UNC5A: variants seen among roughly 807,000 people sequenced by gnomAD.
The protein encoded by UNC5A is unc-5 netrin receptor A, also known as netrin receptor UNC5A.
In UNC5A, 20 loss-of-function variants were observed where a neutral mutation model predicts 87.4. The ratio of observed to expected loss-of-function variants is 0.23; its 90% confidence interval spans 0.16 to 0.33. The LOEUF (loss-of-function observed/expected upper bound fraction) is 0.33, where lower values mean the gene tolerates loss of function less well. UNC5A is among the 10% of genes least tolerant of loss of function. The pLI, the probability that UNC5A is intolerant of heterozygous loss-of-function variation, is 1.00. For missense variants in UNC5A, 844 were observed against 1,133.4 expected, an observed-to-expected ratio of 0.74 and a Z score of 3.67; for synonymous variants, 438 against 482.3, an observed-to-expected ratio of 0.91 and a Z score of 1.20.
chr5:176,879,164 T>G, intron 13 of UNC5A, 146 bp from the exon 14 acceptor site: 1 of 999,876 alleles, frequency 1.0e-6, no homozygotes, highest in Non-Finnish European at 1.5e-6. Context: ...AGAAGGGCCT[T>G]GGCACATGGG....
intron 1 of UNC5A, among the ~76,000 whole-genome samples, chr5:176,847,202 G>A (rs927236220): frequency 6.6e-6 from 1 of 152,204 alleles, no homozygotes; most frequent in Non-Finnish European, 1.5e-5. Context: ...GGTGGTCTTC[G>A]CTGATGAAAG....
chr5:176,840,333 C>T (rs368351985), intron 1 of UNC5A, among the ~76,000 whole-genome samples: 4 of 152,094 alleles, frequency 2.6e-5, no homozygotes, highest in African/African-American at 9.7e-5. Flanking sequence ...TGGGGGCCCG[C>T]TGTGAGGGTG....
Position 176,810,806 on chromosome 5 carries a change from G to T in UNC5A, c.56G>T (p.Trp19Leu). The change falls in exon 1 of 15, where the codon TGG (tryptophan) becomes TTG (leucine). Residue 19 changes from tryptophan (W) to leucine (L), a missense_variant. By Grantham distance (61) the Trp-to-Leu change is moderately conservative. Coordinates refer to ENST00000329542, the MANE Select transcript of UNC5A (RefSeq NM_133369.3). The surrounding 1 kb of genome is among the most constrained non-coding windows in gnomAD (Gnocchi z 7.3). ...CTCCTGGGCATAGTCCTCGCCGCTT[G>T]GCTCCGCGGCTCGGGTGAGTCACGC... The part of the protein sequence containing the change: ...PALLGIVLAA[W>L]LRGSGAQQSA... 1.6e-6 allele frequency: 2 copies of T among 1,222,076 alleles called. No homozygotes were observed. The highest frequency in any genetic ancestry group is 2.0e-6 in the Non-Finnish European group (2 of 981,578). 75.7% of individuals were successfully genotyped at this position (1,222,076 alleles called of 1,614,324 possible).
chr5:176,862,113 C>G (rs529022951), intron 1 of UNC5A, among the ~76,000 whole-genome samples: 1 of 152,250 alleles, frequency 6.6e-6, no homozygotes, highest in Non-Finnish European at 1.5e-5. Flanking sequence ...TCGCCTTGCC[C>G]GTGCCCACCC....
intron 1 of UNC5A, among the ~76,000 whole-genome samples, chr5:176,814,798 G>A (rs1270646703): frequency 6.6e-6 from 1 of 152,222 alleles, no homozygotes; most frequent in Non-Finnish European, 1.5e-5. Flanking sequence ...GCCAGGTGCT[G>A]TTTTTCTTCA....
intron 1 of UNC5A, among the ~76,000 whole-genome samples, chr5:176,858,027 C>A (rs548351162): frequency 1.3e-5 from 2 of 152,328 alleles, no homozygotes; most frequent in African/African-American, 4.8e-5. Flanking sequence ...GTGTGTCCGC[C>A]CTGGCAGTGT....
intron 1 of UNC5A, among the ~76,000 whole-genome samples, chr5:176,820,396 CA>C (rs958591161): frequency 2.1e-4 from 29 of 140,674 alleles, no homozygotes; most frequent in African/African-American, 5.5e-4. Context: ...GACTCCGTCT[CA>C]AAAAAAAAAG....
intron 1 of UNC5A, among the ~76,000 whole-genome samples, chr5:176,827,657 G>T (rs1756887625): frequency 6.6e-6 from 1 of 152,156 alleles, no homozygotes; most frequent in Non-Finnish European, 1.5e-5. Context: ...GTTCTGTTGG[G>T]CATACACCTA....
chr5:176,843,564 A>AT (rs1199406330), intron 1 of UNC5A, among the ~76,000 whole-genome samples: 1 of 152,222 alleles, frequency 6.6e-6, no homozygotes, highest in Non-Finnish European at 1.5e-5. Context: ...TTTAATGGGG[A>AT]TAAACATTAT....
intron 1 of UNC5A, among the ~76,000 whole-genome samples, chr5:176,833,150 C>T (rs937377976): frequency 6.6e-6 from 1 of 152,096 alleles, no homozygotes; most frequent in Non-Finnish European, 1.5e-5. Context: ...ATCTTTTTTT[C>T]CTTCCAACTT....
chr5:176,877,929 C>T lies in UNC5A; in HGVS notation c.1671C>T (p.His557=), dbSNP rs780640557. The change falls in exon 11 of 15, where the codon CAC becomes CAT. Residue 557 remains histidine (H), a synonymous_variant. Coordinates refer to ENST00000329542, the MANE Select transcript of UNC5A (RefSeq NM_133369.3). Reference sequence around the variant, plus strand: ...ACCTGGGCGAGGAGGCGCCCTCCCACCTCTACTACTGCCAGCTGGAGGCCA... The same window carrying T: ...ACCTGGGCGAGGAGGCGCCCTCCCATCTCTACTACTGCCAGCTGGAGGCCA... ...VLHLGEEAPS[H]LYYCQLEASA... is the part of the protein sequence containing the mutation. 4 of 1,603,268 alleles carry T rather than the reference C, an allele frequency of 2.5e-6. No individual in the cohort carries two copies. Among genetic ancestry groups the T allele is most frequent in the Middle Eastern group, 3.3e-4 (2 of 6,078 alleles).
At chr5:176,820,394 C>A (rs1756699259) in intron 1 of UNC5A, among the ~76,000 whole-genome samples, 1 of 150,904 alleles carries the variant, frequency 6.6e-6, no homozygotes, top group African/African-American at 2.4e-5. Flanking sequence ...GAGACTCCGT[C>A]TCAAAAAAAA....
At position 176,829,416 on chromosome 5, in the gene UNC5A, AATGG is replaced by A. The variant is rs770947463; in HGVS notation, c.70+18623_70+18626del. ...TGGATGGGTGGATGTATGAAAGATGAATGGATGGATGGATGGATGGATGGATGGA... is the reference window on the plus strand; with the variant it reads ...TGGATGGGTGGATGTATGAAAGATGAATGGATGGATGGATGGATGGATGGA... On this transcript the variant is annotated intron_variant, in intron 1 of 14. Coordinates refer to ENST00000329542, the MANE Select transcript of UNC5A (RefSeq NM_133369.3). Among the ~76,000 whole-genome samples, 188 of 76,028 alleles carry A rather than the reference AATGG, an allele frequency of 2.5e-3. 1 individual carries two copies. Among genetic ancestry groups the A allele is most frequent in the Middle Eastern group, 0.011 (1 of 94 alleles). 49.9% of individuals were successfully genotyped at this position (76,028 alleles called of 152,430 possible).
At position 176,868,811 on chromosome 5, in the gene UNC5A, G is replaced by C; in HGVS notation, c.568G>C (p.Val190Leu). The C allele has an allele frequency of 6.2e-7, 1 of 1,605,798 alleles. No homozygotes were observed. Among genetic ancestry groups the C allele is most frequent in the Non-Finnish European group, 8.5e-7 (1 of 1,174,240 alleles). Reference sequence around the variant, plus strand: ...GGAGTGGCTCCGGAACGAGGACCTGGTGGACCCGTCCCTGGACCCCAATGT... The same window carrying C: ...GGAGTGGCTCCGGAACGAGGACCTGCTGGACCCGTCCCTGGACCCCAATGT... ...EVEWLRNEDL[V>L]DPSLDPNVYI... The change falls in exon 5 of 15, where the codon GTG becomes CTG. Residue 190 changes from valine (V) to leucine (L), a missense_variant. Val to Leu is a conservative substitution (Grantham distance 32). This residue lies in a region of UNC5A where 314 missense variants were observed against 466.5 expected (regional missense o/e 0.67). Transcript: ENST00000329542.
rs1757459718 is a variant in UNC5A at position 176,848,189 on chromosome 5, C to A, written c.71-14435C>A. ...TCCACGTTAGCACCACCGCCCCCCG[C>A]ACCCAGATCCCTCCGCCCCTCAGCC... On this transcript the variant is annotated intron_variant, in intron 1 of 14. Transcript: ENST00000329542. This position sits in a 1 kb window ranked among gnomAD's most constrained non-coding sequence, Gnocchi z 5.8. Among the ~76,000 whole-genome samples, 1 of 152,142 alleles carries A rather than the reference C, an allele frequency of 6.6e-6. No homozygotes were observed. Among genetic ancestry groups the A allele is most frequent in the South Asian group, 2.1e-4 (1 of 4,832 alleles).
At chr5:176,856,950 C>T (rs1393985344) in intron 1 of UNC5A, among the ~76,000 whole-genome samples, 2 of 152,240 alleles carry the variant, frequency 1.3e-5, no homozygotes, top group Non-Finnish European at 2.9e-5. Flanking sequence ...CTGCCCAGGC[C>T]ACACTGGCCT....
intron 8 of UNC5A, among the ~76,000 whole-genome samples, chr5:176,876,354 G>C (rs1278426091): frequency 6.6e-6 from 1 of 152,198 alleles, no homozygotes; most frequent in Non-Finnish European, 1.5e-5. Flanking sequence ...ACGAGGGAGT[G>C]TGCATTTGCT....
intron 1 of UNC5A, among the ~76,000 whole-genome samples, chr5:176,839,038 G>A (rs1460791332): frequency 1.3e-5 from 2 of 152,208 alleles, no homozygotes; most frequent in Non-Finnish European, 2.9e-5. Flanking sequence ...CAGTCATGGA[G>A]TGTGTTCTCC....
chr5:176,830,439 ATGTG>A (rs5873556), intron 1 of UNC5A, among the ~76,000 whole-genome samples: 5 of 139,362 alleles, frequency 3.6e-5, no homozygotes, highest in Admixed American at 6.9e-5. Flanking sequence ...GTGTGCTGGC[ATGTG>A]TGTGTGTGTG....
Sources: gnomAD v4.1 joint callset for allele counts (sites outside exome capture counted in the v4.1 genomes callset) on GRCh38, gnomAD v4.1.1 for gene constraint, gnomAD v4.1.1 regional missense constraint, Gnocchi (gnomAD v3.1) non-coding constraint, MANE v1.5 for transcripts, NCBI Gene and HGNC (gene_info 2026-07-23, HGNC 2026-07-21) for gene names.